Variants in ANOS1 observed in about 807,000 individuals in gnomAD.
ANOS1 encodes the protein anosmin-1.
In ANOS1, 6 loss-of-function variants were observed where a neutral mutation model predicts 59.0. That is an observed-to-expected ratio of 0.10 (90% confidence interval 0.06 to 0.20). The LOEUF is 0.20. ANOS1 is among the 10% of genes least tolerant of loss of function. ANOS1 has a pLI of 1.00. For synonymous variants in ANOS1, 217 were observed against 223.4 expected, an observed-to-expected ratio of 0.97 and a Z score of 0.25; for missense variants, 433 against 542.3, an observed-to-expected ratio of 0.80 and a Z score of 2.00.
intron 5 of ANOS1, among the ~76,000 whole-genome samples, chrX:8,586,918 A>G (rs1343756415): frequency 9.3e-6 from 1 of 107,396 alleles, no homozygotes; most frequent in African/African-American, 3.4e-5. Flanking sequence ...TTCTTCTTCC[A>G]AACACCTAAA....
At chrX:8,550,779 A>T (rs985498993) in intron 9 of ANOS1, among the ~76,000 whole-genome samples, 1 of 103,248 alleles carries the variant, frequency 9.7e-6, no homozygotes, top group Admixed American at 1.0e-4. Flanking sequence ...GATCAGAAGG[A>T]AAAAAAAAAA....
intron 1 of ANOS1, among the ~76,000 whole-genome samples, chrX:8,727,811 G>C (rs1353630239): frequency 1.8e-5 from 2 of 112,066 alleles, no homozygotes; most frequent in Non-Finnish European, 3.8e-5. Flanking sequence ...TGGACCCTCT[G>C]GCCATTTCAG....
At chrX:8,623,501 T>G (rs1931333762) in intron 3 of ANOS1, 107 bp downstream of exon 3, 4 of 589,206 alleles carry the variant, frequency 6.8e-6, no homozygotes, top group Admixed American at 5.2e-5. Context: ...CAGTTAATGA[T>G]CTCCCCAAGC....
At chrX:8,631,742 T>C (rs1931492820) in intron 2 of ANOS1, among the ~76,000 whole-genome samples, 1 of 111,421 alleles carries the variant, frequency 9.0e-6, no homozygotes, top group African/African-American at 3.3e-5. Context: ...GGGGTTACAA[T>C]ATGAAAACAA....
chrX:8,621,183 C>T (rs776602852), intron 3 of ANOS1, among the ~76,000 whole-genome samples: 1 of 110,023 alleles, frequency 9.1e-6, no homozygotes, highest in African/African-American at 3.3e-5. Context: ...CTGGCTAACA[C>T]GCAAAACTCC....
At chrX:8,604,772 G>T (rs1275651676) in intron 3 of ANOS1, among the ~76,000 whole-genome samples, 3 of 112,416 alleles carry the variant, frequency 2.7e-5, no homozygotes, top group Non-Finnish European at 5.6e-5. Flanking sequence ...ATTTCAGGAT[G>T]CTCAAAATTA....
At chrX:8,670,871 C>T (rs1215361654) in intron 2 of ANOS1, among the ~76,000 whole-genome samples, 1 of 111,496 alleles carries the variant, frequency 9.0e-6, no homozygotes, top group Non-Finnish European at 1.9e-5. Flanking sequence ...TTTCTCCCCA[C>T]TTTCCTAAGA....
At chrX:8,727,258 C>T (rs1410412675) in intron 1 of ANOS1, among the ~76,000 whole-genome samples, 5 of 111,900 alleles carry the variant, frequency 4.5e-5, no homozygotes, top group South Asian at 3.7e-4. Context: ...AGGTTCTCAC[C>T]GCCCATTCCC....
chrX:8,685,166 C>A (rs1257279033), intron 2 of ANOS1, among the ~76,000 whole-genome samples: 1 of 111,352 alleles, frequency 9.0e-6, no homozygotes, highest in Non-Finnish European at 1.9e-5. Flanking sequence ...AATTTTCTAA[C>A]CAACAGCAAC....
At chrX:8,546,186 G>C (rs999331965) in intron 9 of ANOS1, among the ~76,000 whole-genome samples, 7 of 112,278 alleles carry the variant, frequency 6.2e-5, no homozygotes, top group African/African-American at 2.3e-4. Flanking sequence ...TTATGAATAA[G>C]AGCATGTTTT....
At chrX:8,555,405 C>T (rs1929934824) in intron 8 of ANOS1, among the ~76,000 whole-genome samples, 1 of 110,988 alleles carries the variant, frequency 9.0e-6, no homozygotes, top group Non-Finnish European at 1.9e-5. Context: ...GAGATAGAGA[C>T]ACAAAAAACC....
chrX:8,730,529 CTTA>C (rs951335653), intron 1 of ANOS1, among the ~76,000 whole-genome samples: 2 of 112,620 alleles, frequency 1.8e-5, no homozygotes, highest in African/African-American at 3.2e-5. Context: ...ACATTCCACC[CTTA>C]TTAATATGGC....
rs1347705617 is a variant in ANOS1, at chrX:8,666,775, G to A, written c.255+32923C>T. Among the ~76,000 whole-genome samples, 6 of 111,698 alleles carry A rather than the reference G, an allele frequency of 5.4e-5. No homozygotes were observed. The South Asian group carries it at 1.9e-3, about 35-fold the overall frequency. On this transcript the variant is annotated intron_variant, in intron 2 of 13. Transcript: ENST00000262648. Reference sequence around the variant, plus strand: ...CCAAAATGTGGACATTGACATCGGCGCTGATAAGTCCCCTTCAACTTTGCA... The same window carrying A: ...CCAAAATGTGGACATTGACATCGGCACTGATAAGTCCCCTTCAACTTTGCA...
chrX:8,727,357 G>A (rs1932928665), intron 1 of ANOS1, among the ~76,000 whole-genome samples: 1 of 111,892 alleles, frequency 8.9e-6, no homozygotes. Flanking sequence ...TGCAGGGACC[G>A]GGCATGGGTG....
intron 8 of ANOS1, among the ~76,000 whole-genome samples, chrX:8,554,542 G>GTTTTTTTTTTTTTTTTT (rs757605733): frequency 5.9e-5 from 3 of 50,836 alleles, no homozygotes; most frequent in Non-Finnish European, 6.7e-5. Flanking sequence ...GGCTACAGGA[G>GTTTTTTTTTTTTTTTTT]TTTTTTTTTT....
rs755882912 is a variant in ANOS1 at position 8,534,306 on chromosome X, G to A, written c.1984+13C>T. 182 of 1,207,455 alleles carry A rather than the reference G, an allele frequency of 1.5e-4. No individual in the cohort carries two copies. Among genetic ancestry groups the A allele is most frequent in the Non-Finnish European group, 1.9e-4 (169 of 893,317 alleles). On this transcript the variant is annotated intron_variant, in intron 13 of 13. Coordinates refer to ENST00000262648, the MANE Select transcript of ANOS1 (RefSeq NM_000216.4). ...CCTGACAGGATGGCTTAATGCCCTG[G>A]CACCCCACTCACTGTGTGCTGAAGA...
At chrX:8,668,455 G>T (rs1245862440) in intron 2 of ANOS1, among the ~76,000 whole-genome samples, 8 of 54,747 alleles carry the variant, frequency 1.5e-4, no homozygotes, top group African/African-American at 2.1e-4. Context: ...ATATATATAT[G>T]GTATTCCATC....
chrX:8,663,472 C>T (rs765069171), intron 2 of ANOS1, among the ~76,000 whole-genome samples: 3 of 111,584 alleles, frequency 2.7e-5, no homozygotes, highest in East Asian at 2.8e-4. Flanking sequence ...CAATGACTAA[C>T]AGAAATTCTT....
chrX:8,583,792 A>T (rs771226232), intron 6 of ANOS1, among the ~76,000 whole-genome samples: 9 of 112,290 alleles, frequency 8.0e-5, no homozygotes, highest in Admixed American at 6.6e-4. Context: ...ATTTTCATTC[A>T]ATAAAAGTCC....
Sources: allele counts gnomAD v4.1 joint callset (sites outside exome capture counted in the v4.1 genomes callset), GRCh38; gene constraint gnomAD v4.1.1; transcripts MANE v1.5; gene names NCBI Gene and HGNC (gene_info 2026-07-23, HGNC 2026-07-21).